The following NR3C2 variants were observed in gnomAD, a reference collection of about 807,000 sequenced individuals.
NR3C2 encodes mineralocorticoid receptor.
NR3C2 carries 15 observed loss-of-function variants against 86.4 expected under a neutral mutation model. That is an observed-to-expected ratio of 0.17 (90% CI 0.12 to 0.27). NR3C2 has a LOEUF of 0.27. Among genes scored for constraint, NR3C2 ranks in the 10% least tolerant of loss-of-function variants. The pLI, the probability that NR3C2 is intolerant of heterozygous loss-of-function variation, is 1.00. For synonymous variants in NR3C2, 458 were observed against 450.5 expected (o/e 1.02, Z -0.21); for missense variants, 960 against 1,195.6 (o/e 0.80, Z 2.91).
At chr4:148,343,486 C>A (rs1744851598) in intron 2 of NR3C2, among the ~76,000 whole-genome samples, 1 of 149,938 alleles carries the variant, frequency 6.7e-6, no homozygotes, top group East Asian at 2.0e-4. Context: ...CCCCAGGATG[C>A]CCATTCTGAC....
At chr4:148,240,605 G>A (rs1383957782) in intron 3 of NR3C2, among the ~76,000 whole-genome samples, 1 of 152,134 alleles carries the variant, frequency 6.6e-6, no homozygotes, top group East Asian at 1.9e-4. Flanking sequence ...GACAGGGGCG[G>A]GGTCAAGGGT....
intron 7 of NR3C2, among the ~76,000 whole-genome samples, chr4:148,118,693 C>T (rs932657134): frequency 1.5e-4 from 23 of 152,152 alleles, no homozygotes; most frequent in African/African-American, 3.1e-4. Flanking sequence ...TCATTTTACA[C>T]GCCACACAAT....
intron 6 of NR3C2, among the ~76,000 whole-genome samples, chr4:148,128,035 G>C (rs977017073): frequency 1.3e-5 from 2 of 152,140 alleles, no homozygotes; most frequent in Non-Finnish European, 2.9e-5. Context: ...GAGAATTTGG[G>C]GTTAGAAATG....
chr4:148,099,954 G>A (rs2149715948), intron 8 of NR3C2, among the ~76,000 whole-genome samples: 1 of 152,260 alleles, frequency 6.6e-6, no homozygotes, highest in South Asian at 2.1e-4. Flanking sequence ...AGGTGGGAAT[G>A]GAATGCCTGA....
At chr4:148,341,226 A>G (rs570201630) in intron 2 of NR3C2, among the ~76,000 whole-genome samples, 1 of 152,300 alleles carries the variant, frequency 6.6e-6, no homozygotes, top group East Asian at 1.9e-4. Flanking sequence ...TGTCCAACAG[A>G]TGAATGGATT....
At chr4:148,150,433 T>A (rs1244486244) in intron 6 of NR3C2, among the ~76,000 whole-genome samples, 2 of 152,228 alleles carry the variant, frequency 1.3e-5, no homozygotes, top group Admixed American at 6.5e-5. Context: ...ACACACCTAT[T>A]TTCTCTGTGA....
intron 3 of NR3C2, among the ~76,000 whole-genome samples, chr4:148,202,987 T>C (rs1466007666): frequency 6.6e-6 from 1 of 152,238 alleles, no homozygotes; most frequent in Non-Finnish European, 1.5e-5. Context: ...CTGAATCTTG[T>C]TTTCCTTTAA....
chr4:148,196,991 A>G (rs1736470162), intron 3 of NR3C2, among the ~76,000 whole-genome samples: 1 of 152,226 alleles, frequency 6.6e-6, no homozygotes, highest in Non-Finnish European at 1.5e-5. Context: ...GAACAACCCT[A>G]TGACATAGGT....
At chr4:148,430,400 T>A (rs1235239487) in intron 2 of NR3C2, among the ~76,000 whole-genome samples, 1 of 152,170 alleles carries the variant, frequency 6.6e-6, no homozygotes, top group African/African-American at 2.4e-5. Flanking sequence ...CATAGTGATT[T>A]GTGTATTATA....
At chr4:148,414,541 T>C (rs371706900) in intron 2 of NR3C2, among the ~76,000 whole-genome samples, 11 of 152,308 alleles carry the variant, frequency 7.2e-5, no homozygotes, top group African/African-American at 2.4e-4. Context: ...GTTCAACTAA[T>C]TCAACTTTCC....
chr4:148,436,629 T>C lies in NR3C2; in HGVS notation c.232A>G (p.Asn78Asp), dbSNP rs775701318. ...GATGTTAAAATCCCAGGCCGATTAT[T>C]GTCTTGCTGAAGGCAAGGGAGTAGT... ...QELLPCLQQDNNRPGILTSDI... is the reference protein window; with the variant it reads ...QELLPCLQQDDNRPGILTSDI... Residue 78 changes from asparagine to aspartate, a missense_variant, in exon 2 of 9, where the codon AAT (asparagine) becomes GAT (aspartate). Around this residue, in one of 4 missense-constraint regions of NR3C2, gnomAD observed 680 missense variants for 719.0 expected, o/e 0.95. Coordinates refer to ENST00000358102, the MANE Select transcript of NR3C2 (RefSeq NM_000901.5). The C allele has an allele frequency of 1.3e-4, 204 of 1,614,212 alleles. 3 individuals carry two copies. The South Asian group carries it at 2.0e-3, about 16-fold the overall frequency.
At chr4:148,097,376 C>T (rs911201407) in intron 8 of NR3C2, among the ~76,000 whole-genome samples, 34 of 152,276 alleles carry the variant, frequency 2.2e-4, no homozygotes, top group Admixed American at 2.2e-3. Context: ...ACTGATTTAA[C>T]GAATACTGAA....
intron 3 of NR3C2, among the ~76,000 whole-genome samples, chr4:148,239,198 T>C (rs1017068961): frequency 6.6e-6 from 1 of 152,236 alleles, no homozygotes; most frequent in Non-Finnish European, 1.5e-5. Flanking sequence ...TGGGCTCATT[T>C]GTCTCCCTGA....
chr4:148,415,265 T>A (rs1037478307), intron 2 of NR3C2, among the ~76,000 whole-genome samples: 2 of 152,122 alleles, frequency 1.3e-5, no homozygotes, highest in Non-Finnish European at 2.9e-5. Flanking sequence ...GGAGTCAAAT[T>A]TCAGGCCTGA....
intron 2 of NR3C2, among the ~76,000 whole-genome samples, chr4:148,292,517 CT>C (rs1229479785): frequency 6.6e-6 from 1 of 151,976 alleles, no homozygotes; most frequent in Admixed American, 6.6e-5. Flanking sequence ...CAACATTTTG[CT>C]AACAATTTAT....
At chr4:148,295,751 T>C (rs932204305) in intron 2 of NR3C2, among the ~76,000 whole-genome samples, 1 of 151,758 alleles carries the variant, frequency 6.6e-6, no homozygotes, top group African/African-American at 2.4e-5. Flanking sequence ...TTAATCCATG[T>C]AGACTAATTC....
intron 2 of NR3C2, among the ~76,000 whole-genome samples, chr4:148,409,535 A>G (rs1223538183): frequency 6.6e-6 from 1 of 152,130 alleles, no homozygotes; most frequent in Non-Finnish European, 1.5e-5. Context: ...ACCTTTTCTG[A>G]TGGACCTTTC....
intron 2 of NR3C2, among the ~76,000 whole-genome samples, chr4:148,433,517 G>T (rs1166591997): frequency 6.6e-6 from 1 of 152,058 alleles, no homozygotes; most frequent in Non-Finnish European, 1.5e-5. Flanking sequence ...TTTCATAATA[G>T]CAAAACATAT....
intron 2 of NR3C2, among the ~76,000 whole-genome samples, chr4:148,370,202 G>A (rs1746346309): frequency 1.3e-5 from 2 of 152,156 alleles, no homozygotes; most frequent in Admixed American, 1.3e-4. Context: ...AAGGAAACCT[G>A]AACTTTGGGC....
Sources: gnomAD v4.1 joint callset for allele counts (sites outside exome capture counted in the v4.1 genomes callset) on GRCh38, gnomAD v4.1.1 for gene constraint, gnomAD v4.1.1 regional missense constraint, MANE v1.5 for transcripts, NCBI Gene and HGNC (gene_info 2026-07-23, HGNC 2026-07-21) for gene names.